The following RALGAPA2 variants were observed in gnomAD, a reference collection of about 807,000 sequenced individuals.
The protein encoded by RALGAPA2 is Ral GTPase activating protein catalytic subunit alpha 2.
In RALGAPA2, 139 loss-of-function variants were observed where a neutral mutation model predicts 230.4. The ratio of observed to expected loss-of-function variants is 0.60; its 90% CI spans 0.53 to 0.69. RALGAPA2 has a LOEUF of 0.69. Ranked by LOEUF, RALGAPA2 falls within the 30% of genes least tolerant of loss-of-function variation. The pLI, the probability that RALGAPA2 is intolerant of heterozygous loss-of-function variation, is 0.00. For synonymous variants in RALGAPA2, 847 were observed against 837.8 expected (o/e 1.01, Z -0.19); for missense variants, 2,163 against 2,276.0 (o/e 0.95, Z 1.01).
At chr20:20,547,903 C>T (rs1041575314) in intron 23 of RALGAPA2, among the ~76,000 whole-genome samples, 7 of 152,028 alleles carry the variant, frequency 4.6e-5, no homozygotes, top group African/African-American at 1.7e-4. Flanking sequence ...GTTACTATAC[C>T]GAATAGTGTA....
rs3762196 is a variant in RALGAPA2 at position 20,446,213 on chromosome 20, A to G, written c.5495+26616T>C. 3.4e-4 allele frequency among the ~76,000 whole-genome samples: 52 copies of G among 152,308 alleles called. No homozygotes were observed. In the East Asian group the frequency reaches 8.9e-3, roughly 26 times the overall value. Reference sequence around the variant, plus strand: ...GTGTGAACTGTTAAAACTCACATAAAACACAAAAATTTGAGATATCCCCCT... The same window carrying G: ...GTGTGAACTGTTAAAACTCACATAAGACACAAAAATTTGAGATATCCCCCT... On this transcript the variant is annotated intron_variant, in intron 37 of 39. Transcript: ENST00000202677.
chr20:20,708,704 AT>A (rs2069711668), intron 1 of RALGAPA2, among the ~76,000 whole-genome samples: 1 of 152,166 alleles, frequency 6.6e-6, no homozygotes, highest in South Asian at 2.1e-4. Flanking sequence ...AGATGCCCCT[AT>A]TTTTATGACA....
intron 37 of RALGAPA2, among the ~76,000 whole-genome samples, chr20:20,431,207 G>A (rs1052092420): frequency 6.6e-6 from 1 of 152,188 alleles, no homozygotes. Flanking sequence ...CAGAGAACTG[G>A]GGAACACAGG....
At chr20:20,654,916 A>T (rs966240971) in intron 3 of RALGAPA2, among the ~76,000 whole-genome samples, 2 of 152,164 alleles carry the variant, frequency 1.3e-5, no homozygotes, top group Non-Finnish European at 2.9e-5. Context: ...GTTACCTGTC[A>T]TCTTTTTGAT....
chr20:20,552,813 C>T (rs1183373872), intron 23 of RALGAPA2, among the ~76,000 whole-genome samples: 1 of 152,076 alleles, frequency 6.6e-6, no homozygotes, highest in East Asian at 1.9e-4. Context: ...AGCTCCAAGG[C>T]CTGATTCTCT....
intron 5 of RALGAPA2, among the ~76,000 whole-genome samples, chr20:20,642,634 G>A (rs1489278898): frequency 6.6e-6 from 1 of 152,018 alleles, no homozygotes; most frequent in Admixed American, 6.6e-5. Flanking sequence ...TATAAATAAG[G>A]GTAGTTATAA....
intron 23 of RALGAPA2, among the ~76,000 whole-genome samples, chr20:20,548,838 G>C (rs947060584): frequency 6.6e-6 from 1 of 152,198 alleles, no homozygotes; most frequent in East Asian, 1.9e-4. Flanking sequence ...ATTGTGCTGG[G>C]ACTTGTCTCG....
chr20:20,646,061 TTTTTTC>T (rs1479608259), intron 4 of RALGAPA2, among the ~76,000 whole-genome samples: 1 of 151,830 alleles, frequency 6.6e-6, no homozygotes, highest in Non-Finnish European at 1.5e-5. Flanking sequence ...AGGGCTTTTT[TTTTTTC>T]TTTTTGAGAT....
In RALGAPA2 at chr20:20,490,173, C is replaced by T. The variant is rs958807189; in HGVS notation, c.5367+4944G>A. 2.6e-5 allele frequency among the ~76,000 whole-genome samples: 4 copies of T among 152,276 alleles called. 1 individual carries two copies. The highest frequency in any genetic ancestry group is 2.4e-5 in the African/African-American group (1 of 41,562). The stretch of plus-strand genomic sequence containing the variant: ...TCTTTAGTATTCTTCAGCAACTGCT[C>T]GTGGGTGACTCAGTCTTTCAAAAAC... On this transcript the variant is annotated intron_variant, in intron 36 of 39. Coordinates refer to ENST00000202677, the MANE Select transcript of RALGAPA2 (RefSeq NM_020343.4).
intron 36 of RALGAPA2, among the ~76,000 whole-genome samples, chr20:20,493,286 T>C (rs375810653): frequency 2.0e-5 from 3 of 152,374 alleles, no homozygotes; most frequent in East Asian, 1.9e-4. Context: ...TTGTAATGGT[T>C]TGTACTTTAA....
chr20:20,528,212 G>A (rs2063273236), intron 27 of RALGAPA2, among the ~76,000 whole-genome samples: 1 of 152,190 alleles, frequency 6.6e-6, no homozygotes, highest in Admixed American at 6.5e-5. Context: ...TGGTGGAGAT[G>A]AAATAAGCCA....
At chr20:20,664,035 T>C (rs974458542) in intron 3 of RALGAPA2, among the ~76,000 whole-genome samples, 2 of 152,190 alleles carry the variant, frequency 1.3e-5, no homozygotes, top group Admixed American at 6.5e-5. Context: ...AAAAGAATGA[T>C]TCATATCCCA....
At position 20,535,924 on chromosome 20, in the gene RALGAPA2, A is replaced by G. The variant is rs2063485689; in HGVS notation, c.3415-121T>C. 4 of 1,385,602 alleles carry G rather than the reference A, an allele frequency of 2.9e-6. No homozygotes were observed. In the East Asian group the frequency reaches 8.1e-5, roughly 28 times the overall value. 85.8% of individuals were successfully genotyped at this position (1,385,602 alleles called of 1,614,324 possible). A position where few individuals can be genotyped will look rare whatever the true frequency, so the allele number is the denominator to read the frequency against. On this transcript the variant is annotated intron_variant, in intron 25 of 39. Transcript: ENST00000202677. ...TTCGACCAGGGAGCTCAGAGAGCTCATCTATGAGTGAGAGCCTGGGGGGAA... is the reference window on the plus strand; with the variant it reads ...TTCGACCAGGGAGCTCAGAGAGCTCGTCTATGAGTGAGAGCCTGGGGGGAA...
chr20:20,569,057 T>C (rs2064540777), intron 23 of RALGAPA2, among the ~76,000 whole-genome samples: 1 of 152,218 alleles, frequency 6.6e-6, no homozygotes. Flanking sequence ...AATTTAACTG[T>C]ATTCTCTACC....
intron 13 of RALGAPA2, among the ~76,000 whole-genome samples, chr20:20,613,171 G>A (rs1171769398): frequency 6.6e-6 from 1 of 152,244 alleles, no homozygotes; most frequent in Non-Finnish European, 1.5e-5. Context: ...AAAGCTGCCA[G>A]TTTTGACAAC....
chr20:20,666,065 C>T (rs2067948705), intron 3 of RALGAPA2, among the ~76,000 whole-genome samples: 1 of 152,186 alleles, frequency 6.6e-6, no homozygotes, highest in African/African-American at 2.4e-5. Context: ...GCTGGCATTA[C>T]AAAGAAAGCC....
chr20:20,391,728 C>T lies in RALGAPA2; in HGVS notation c.*1561G>A, dbSNP rs6075651. 14 of 152,318 alleles carry T rather than the reference C, an allele frequency of 9.2e-5. No homozygotes were observed. The highest frequency in any genetic ancestry group is 3.4e-4 in the African/African-American group (14 of 41,436). The allele number at this position is 152,318 out of a possible 1,614,324, so 9.4% of individuals were successfully genotyped here. A position where few individuals can be genotyped will look rare whatever the true frequency, so the allele number is the denominator to read the frequency against. ...AGAGCCTCAGAAGGCTTCTTCAGGC[C>T]TGGGTGGCCAAGCAGCCTGAAGGTA... is the stretch of plus-strand genomic sequence containing the variant. On this transcript the variant is annotated 3_prime_UTR_variant, in exon 40 of 40. Coordinates refer to ENST00000202677, the MANE Select transcript of RALGAPA2 (RefSeq NM_020343.4).
chr20:20,611,575 T>C, intron 13 of RALGAPA2, 149 bp from the exon 14 acceptor site: 2 of 1,306,910 alleles, frequency 1.5e-6, no homozygotes, highest in Admixed American at 2.7e-5. Flanking sequence ...AATTACATAA[T>C]GAATACCATA....
intron 37 of RALGAPA2, among the ~76,000 whole-genome samples, chr20:20,417,652 G>T (rs1016405329): frequency 2.0e-5 from 3 of 152,168 alleles, no homozygotes; most frequent in Non-Finnish European, 4.4e-5. Context: ...TGGGACCATG[G>T]TTTACTTCAA....
Sources: gnomAD v4.1 joint callset for allele counts (sites outside exome capture counted in the v4.1 genomes callset) on GRCh38, gnomAD v4.1.1 for gene constraint, MANE v1.5 for transcripts, NCBI Gene and HGNC (gene_info 2026-07-23, HGNC 2026-07-21) for gene names.